Variants in SPG21 observed in about 807,000 individuals in gnomAD.
The protein encoded by SPG21 is SPG21 abhydrolase domain containing, maspardin.
Under a neutral mutation model 38.9 loss-of-function variants are expected in SPG21, and 26 were observed. The observed-to-expected ratio is 0.67, with a 90% confidence interval of 0.49 to 0.93. The LOEUF (loss-of-function observed/expected upper bound fraction) is 0.93, where lower values mean the gene tolerates loss of function less well. Among genes scored for constraint, SPG21 ranks in the 40% least tolerant of loss-of-function variants. The pLI is 0.00. For missense variants in SPG21, 333 were observed against 376.5 expected (o/e 0.88, Z 0.96); for synonymous variants, 136 against 128.9 (o/e 1.05, Z -0.37).
At chr15:64,983,675 C>T in intron 1 of SPG21, 82 bp from the exon 2 acceptor site, 1 of 857,448 alleles carries the variant, frequency 1.2e-6, no homozygotes, top group Non-Finnish European at 1.9e-6. Context: ...CTAGCTATAC[C>T]AACAATATTT....
chr15:64,980,069 T>C (rs2085853521), intron 3 of SPG21, among the ~76,000 whole-genome samples: 2 of 152,154 alleles, frequency 1.3e-5, no homozygotes, highest in African/African-American at 4.8e-5. Flanking sequence ...AAAAGCCAGC[T>C]TTTCAAGTCA....
intron 7 of SPG21, 72 bp downstream of exon 7, chr15:64,969,183 T>G: frequency 9.3e-7 from 1 of 1,070,780 alleles, no homozygotes; most frequent in African/African-American, 1.6e-5. Context: ...AGTTATCAAA[T>G]AGTTTTATAG....
chr15:64,975,427 T>C (rs1244160447), intron 4 of SPG21, among the ~76,000 whole-genome samples: 1 of 140,768 alleles, frequency 7.1e-6, no homozygotes, highest in African/African-American at 2.7e-5. Context: ...ACTTGGGAGG[T>C]TGAGGTGGGA....
intron 4 of SPG21, among the ~76,000 whole-genome samples, chr15:64,974,996 A>C (rs2085747213): frequency 6.6e-6 from 1 of 152,180 alleles, no homozygotes; most frequent in Admixed American, 6.6e-5. Flanking sequence ...ATTGCATTAG[A>C]AAACAAAACC....
At chr15:64,963,853 T>C in intron 8 of SPG21, 117 bp from the exon 9 acceptor site, 1 of 813,334 alleles carries the variant, frequency 1.2e-6, no homozygotes. Flanking sequence ...GCCTCCCGGG[T>C]TCACCCAATT....
At chr15:64,972,194 T>C (rs748873456) in intron 5 of SPG21, among the ~76,000 whole-genome samples, 2 of 152,194 alleles carry the variant, frequency 1.3e-5, no homozygotes, top group Non-Finnish European at 2.9e-5. Flanking sequence ...TCCAGTTAAC[T>C]TTCTAAGTTC....
intron 7 of SPG21, among the ~76,000 whole-genome samples, chr15:64,966,119 G>A (rs780237903): frequency 2.6e-5 from 4 of 152,014 alleles, no homozygotes; most frequent in East Asian, 1.9e-4. Flanking sequence ...AAAAGATCAC[G>A]AAGCCCCAAA....
intron 1 of SPG21, among the ~76,000 whole-genome samples, chr15:64,985,483 C>A (rs1039097221): frequency 5.9e-5 from 9 of 152,364 alleles, no homozygotes; most frequent in African/African-American, 2.2e-4. Context: ...TTTGCTCAGG[C>A]ATCTGTGCTA....
chr15:64,981,058 A>C (rs376849699), intron 2 of SPG21, 33 bp from the exon 3 acceptor site: 1 of 1,613,620 alleles, frequency 6.2e-7, no homozygotes, highest in Non-Finnish European at 8.5e-7. Context: ...AAAGTGGAAA[A>C]CCTTATAAAT....
intron 5 of SPG21, among the ~76,000 whole-genome samples, chr15:64,973,174 G>A (rs969636328): frequency 1.3e-5 from 2 of 152,112 alleles, no homozygotes; most frequent in Non-Finnish European, 2.9e-5. Flanking sequence ...TCACTATGTT[G>A]CTCAGGCTGG....
intron 1 of SPG21, among the ~76,000 whole-genome samples, chr15:64,986,914 C>T (rs182159794): frequency 6.6e-6 from 1 of 152,002 alleles, no homozygotes; most frequent in Non-Finnish European, 1.5e-5. Context: ...TTATTAGAAA[C>T]AATCTATTCT....
intron 3 of SPG21, 111 bp downstream of exon 3, chr15:64,980,737 CAACAAACAAACAAACA>C (rs56821289): frequency 1.9e-5 from 16 of 862,990 alleles, no homozygotes; most frequent in East Asian, 1.4e-4. Flanking sequence ...GAATCCATCT[CAACAAACAAACAAACA>C]AACAAACAAA....
chr15:64,968,355 A>AAG (rs1555399536), intron 7 of SPG21, among the ~76,000 whole-genome samples: 1 of 151,634 alleles, frequency 6.6e-6, no homozygotes. Context: ...AAAAAAAAAA[A>AAG]AAAAGAAAGA....
chr15:64,973,980 G>A (rs898738617), intron 5 of SPG21, among the ~76,000 whole-genome samples: 6 of 91,726 alleles, frequency 6.5e-5, no homozygotes, highest in African/African-American at 2.1e-4. Context: ...GTCAATACAC[G>A]GAACTGTTTA....
rs768091801 is a variant in SPG21, at chr15:64,974,595, T to C, written c.452+7A>G. On this transcript the variant is annotated splice_region_variant and intron_variant, in intron 5 of 8. Coordinates refer to ENST00000204566, the MANE Select transcript of SPG21 (RefSeq NM_016630.7). ...TCACTGAACAAAAAAAGTAATTTTG[T>C]TCTTACCTGTTTGCAGTCCAAGTTT... is the stretch of plus-strand genomic sequence containing the variant. 5 of 1,614,054 alleles carry C rather than the reference T, an allele frequency of 3.1e-6. No individual in the cohort carries two copies. The South Asian group carries it at 3.3e-5, about 11-fold the overall frequency.
chr15:64,976,595 A>G (rs79266249), intron 3 of SPG21, 40 bp from the exon 4 acceptor site: 31,361 of 1,512,826 alleles, frequency 0.021, 392 homozygotes, highest in Non-Finnish European at 0.026. Context: ...AAAATCATAA[A>G]AGTAAAAATG....
intron 4 of SPG21, among the ~76,000 whole-genome samples, chr15:64,975,794 T>C (rs2085761707): frequency 2.0e-5 from 3 of 152,150 alleles, no homozygotes; most frequent in Admixed American, 2.0e-4. Context: ...AAACGAAGTA[T>C]TGATTCCGGC....
chr15:64,982,025 T>C (rs1347000820), intron 2 of SPG21, among the ~76,000 whole-genome samples: 1 of 152,206 alleles, frequency 6.6e-6, no homozygotes, highest in Non-Finnish European at 1.5e-5. Context: ...CAAGGCAAAG[T>C]CCAGAGAGGC....
intron 3 of SPG21, among the ~76,000 whole-genome samples, chr15:64,978,702 G>A (rs942069808): frequency 6.6e-6 from 1 of 152,170 alleles, no homozygotes; most frequent in Non-Finnish European, 1.5e-5. Flanking sequence ...TGAGTCAGAT[G>A]ATAGCCTAAA....
Sources: gnomAD v4.1 joint callset for allele counts (sites outside exome capture counted in the v4.1 genomes callset) on GRCh38, gnomAD v4.1.1 for gene constraint, MANE v1.5 for transcripts, NCBI Gene and HGNC (gene_info 2026-07-23, HGNC 2026-07-21) for gene names.